DNMT3A: variants seen among roughly 807,000 people sequenced by gnomAD.
DNMT3A encodes the protein DNA (cytosine-5)-methyltransferase 3A.
DNMT3A carries 267 observed loss-of-function variants against 117.6 expected under a neutral mutation model. The ratio of observed to expected loss-of-function variants is 2.27; its 90% confidence interval spans 2.05 to 2.51. DNMT3A has a LOEUF of 2.51. Ranked by LOEUF, DNMT3A falls within the 30% of genes most tolerant of loss-of-function variation. The probability of loss-of-function intolerance (pLI) is 0.00; values close to 1 mark genes in which losing one functional copy is unlikely to be tolerated. For synonymous variants in DNMT3A, 432 were observed against 474.8 expected (o/e 0.91, Z 1.17); for missense variants, 1,029 against 1,260.2 (o/e 0.82, Z 2.78).
At chr2:25,321,214 T>C (rs1203668614) in intron 1 of DNMT3A, among the ~76,000 whole-genome samples, 2 of 152,152 alleles carry the variant, frequency 1.3e-5, no homozygotes, top group Admixed American at 6.5e-5. Flanking sequence ...AAACTCAAGA[T>C]GTTGGCAGGG....
intron 6 of DNMT3A, among the ~76,000 whole-genome samples, 154 bp from the exon 7 acceptor site, chr2:25,248,406 G>A (rs569992563): frequency 1.7e-4 from 26 of 152,324 alleles, no homozygotes; most frequent in African/African-American, 6.3e-4. Context: ...GTGAAAAATG[G>A]AAAGACTTGA....
At position 25,232,561 on chromosome 2, in the gene DNMT3A, G is replaced by C. The variant is rs1672925763; in HGVS notation, c.*1718C>G. On this transcript the variant is annotated 3_prime_UTR_variant, in exon 23 of 23. Coordinates refer to ENST00000321117, the MANE Select transcript of DNMT3A (RefSeq NM_022552.5). The surrounding 1 kb of genome is among the most constrained non-coding windows in gnomAD (Gnocchi z 4.1). ...CTGACACACCCGACTCAAGAGGAGG[G>C]GAAGTAGAAGAGAAGAGTGACAAGC... The C allele has an allele frequency of 6.5e-6, 1 of 152,814 alleles. No homozygotes were observed. Among genetic ancestry groups the C allele is most frequent in the Non-Finnish European group, 1.5e-5 (1 of 68,418 alleles). The allele number at this position is 152,814 out of a possible 1,614,324, so 9.5% of individuals were successfully genotyped here. A position where few individuals can be genotyped will look rare whatever the true frequency, so the allele number is the denominator to read the frequency against.
chr2:25,318,869 T>C (rs2149435079), intron 1 of DNMT3A, among the ~76,000 whole-genome samples: 1 of 150,032 alleles, frequency 6.7e-6, no homozygotes, highest in Non-Finnish European at 1.5e-5. Flanking sequence ...GACTAATTTT[T>C]TTTCTATTTT....
chr2:25,308,159 TGTAG>T (rs370052940), intron 2 of DNMT3A, among the ~76,000 whole-genome samples: 1 of 151,944 alleles, frequency 6.6e-6, no homozygotes, highest in East Asian at 1.9e-4. Flanking sequence ...ACCACAAAGG[TGTAG>T]GTAGGTAGGT....
At position 25,236,937 on chromosome 2, in the gene DNMT3A, T is replaced by C. The variant is rs770079872; in HGVS notation, c.2477A>G (p.Lys826Arg). The change falls in exon 21 of 23, where the codon AAG becomes AGG. Residue 826 changes from lysine to arginine, a missense_variant and splice_region_variant. Transcript: ENST00000321117. The surrounding 1 kb of genome is among the most constrained non-coding windows in gnomAD (Gnocchi z 4.5). ...GAGGTTCTAGACGCTGGAGCTGACCTTGGCTATCCTGCCATGCTCCAGACA... is the reference window on the plus strand; with the variant it reads ...GAGGTTCTAGACGCTGGAGCTGACCCTGGCTATCCTGCCATGCTCCAGACA... The part of the protein sequence containing the change: ...QECLEHGRIA[K>R]FSKVRTITTR... The C allele has an allele frequency of 5.6e-6, 9 of 1,612,704 alleles. No homozygotes were observed. The highest frequency in any genetic ancestry group is 2.7e-5 in the African/African-American group (2 of 74,916).
Position 25,252,007 on chromosome 2 carries a change from C to CTCGT in DNMT3A, c.640-3756_640-3755insACGA. 1 of 682,032 alleles carries CTCGT rather than the reference C, an allele frequency of 1.5e-6. No homozygotes were observed. The highest frequency in any genetic ancestry group is 2.3e-6 in the Non-Finnish European group (1 of 438,024). The allele number at this position is 682,032 out of a possible 1,614,324, so 42.2% of individuals were successfully genotyped here. A position where few individuals can be genotyped will look rare whatever the true frequency, so the allele number is the denominator to read the frequency against. On this transcript the variant is annotated intron_variant, in intron 6 of 22. Coordinates refer to ENST00000321117, the MANE Select transcript of DNMT3A (RefSeq NM_022552.5). This position sits in a 1 kb window ranked among gnomAD's most constrained non-coding sequence, Gnocchi z 5.5. ...GGAGTGGGGCCTTGGGGCTCGTGGG[C>CTCGT]AGGAAGGCGGCGGGCCAGCACTAAG...
chr2:25,244,703 G>T, intron 13 of DNMT3A, 51 bp from the exon 14 acceptor site: 1 of 1,539,516 alleles, frequency 6.5e-7, no homozygotes. Flanking sequence ...TCCCAGGACG[G>T]CCAGGACGAA....
In DNMT3A at chr2:25,296,825, G is replaced by A. The variant is rs1312353357; in HGVS notation, c.177+3314C>T. Among the ~76,000 whole-genome samples, 2 of 152,152 alleles carry A rather than the reference G, an allele frequency of 1.3e-5. No individual in the cohort carries two copies. The highest frequency in any genetic ancestry group is 2.9e-5 in the Non-Finnish European group (2 of 68,008). ...CCCAGGATTTCTTGGGCTTGGGGGT[G>A]GGACCTGGTGAGGGCACTAGTGGGT... On this transcript the variant is annotated intron_variant, in intron 3 of 22. Coordinates refer to ENST00000321117, the MANE Select transcript of DNMT3A (RefSeq NM_022552.5). The surrounding 1 kb of genome is among the most constrained non-coding windows in gnomAD (Gnocchi z 4.2).
At chr2:25,284,400 A>C (rs1339442794) in intron 3 of DNMT3A, among the ~76,000 whole-genome samples, 1 of 152,070 alleles carries the variant, frequency 6.6e-6, no homozygotes, top group Non-Finnish European at 1.5e-5. Context: ...TAATCCTAGC[A>C]CTTTGGGAGG....
rs1462627881 is a variant in DNMT3A at position 25,294,081 on chromosome 2, C to T, written c.177+6058G>A. Among the ~76,000 whole-genome samples the T allele has an allele frequency of 6.6e-6, 1 of 152,224 alleles. No individual in the cohort carries two copies. The highest frequency in any genetic ancestry group is 1.5e-5 in the Non-Finnish European group (1 of 68,048). On this transcript the variant is annotated intron_variant, in intron 3 of 22. Transcript: ENST00000321117. The surrounding 1 kb of genome is among the most constrained non-coding windows in gnomAD (Gnocchi z 4.7). The stretch of plus-strand genomic sequence containing the variant: ...CACTCACCCTGCCCTGCATGCCTTC[C>T]TTCCTCCACACCCAGCTCAGCTGGG...
At chr2:25,239,253 G>T in intron 19 of DNMT3A, 38 bp from the exon 20 acceptor site, 1 of 1,597,534 alleles carries the variant, frequency 6.3e-7, no homozygotes, top group Non-Finnish European at 8.6e-7. Context: ...GAGCCAAGGA[G>T]GAGCATGAAA....
At chr2:25,312,774 G>C (rs534083089) in intron 2 of DNMT3A, among the ~76,000 whole-genome samples, 1 of 152,224 alleles carries the variant, frequency 6.6e-6, no homozygotes, top group African/African-American at 2.4e-5. Context: ...AGCTGAGCAC[G>C]CAAGAGGGAG....
At chr2:25,295,935 A>C (rs1302137263) in intron 3 of DNMT3A, among the ~76,000 whole-genome samples, 1 of 152,220 alleles carries the variant, frequency 6.6e-6, no homozygotes, top group Non-Finnish European at 1.5e-5. Flanking sequence ...ATGGCGGTGC[A>C]TTTTCAAACT....
chr2:25,322,710 A>G (rs1573495666), intron 1 of DNMT3A, among the ~76,000 whole-genome samples: 1 of 150,044 alleles, frequency 6.7e-6, no homozygotes, highest in Admixed American at 6.6e-5. Flanking sequence ...TGACCACCCA[A>G]GCCTCCTCTC....
At chr2:25,310,201 C>T (rs2034031656) in intron 2 of DNMT3A, among the ~76,000 whole-genome samples, 1 of 152,118 alleles carries the variant, frequency 6.6e-6, no homozygotes, top group Non-Finnish European at 1.5e-5. Context: ...GTGGACTCCC[C>T]TCTGATTCAT....
intron 6 of DNMT3A, among the ~76,000 whole-genome samples, chr2:25,269,028 A>G (rs1445696298): frequency 6.6e-6 from 1 of 152,160 alleles, no homozygotes; most frequent in African/African-American, 2.4e-5. Flanking sequence ...AGTAATATTA[A>G]CCGTAAGGAC....
At chr2:25,341,278 C>T (rs1400466700) in intron 1 of DNMT3A, among the ~76,000 whole-genome samples, 4 of 144,426 alleles carry the variant, frequency 2.8e-5, no homozygotes, top group African/African-American at 9.9e-5. Context: ...GCGGAGCCTG[C>T]GCGGGGCCCG....
intron 3 of DNMT3A, among the ~76,000 whole-genome samples, chr2:25,292,591 C>T (rs1573441907): frequency 6.6e-6 from 1 of 152,118 alleles, no homozygotes. Flanking sequence ...CTCAGCCCGC[C>T]GCACCCGACA....
intron 19 of DNMT3A, chr2:25,239,449 G>A (rs1044284983): frequency 4.8e-6 from 3 of 623,426 alleles, no homozygotes; most frequent in Non-Finnish European, 9.3e-6. Flanking sequence ...TGCGATGGTG[G>A]GTTGTCCTCT....
Sources: gnomAD v4.1 joint callset for allele counts (sites outside exome capture counted in the v4.1 genomes callset) on GRCh38, gnomAD v4.1.1 for gene constraint, Gnocchi (gnomAD v3.1) non-coding constraint, MANE v1.5 for transcripts, NCBI Gene and HGNC (gene_info 2026-07-23, HGNC 2026-07-21) for gene names.